Variants in DST observed in about 807,000 individuals in gnomAD.
DST encodes the protein bullous pemphigoid antigen.
In DST, 253 loss-of-function variants were observed where a neutral mutation model predicts 875.2. The observed-to-expected ratio is 0.29, with a 90% CI of 0.26 to 0.32. The LOEUF is 0.32. DST is among the 10% of genes least tolerant of loss of function. The pLI, the probability that DST is intolerant of heterozygous loss-of-function variation, is 1.00. For missense variants in DST, 8,287 were observed against 9,111.6 expected, an observed-to-expected ratio of 0.91 and a Z score of 3.68; for synonymous variants, 3,124 against 3,197.1, an observed-to-expected ratio of 0.98 and a Z score of 0.77.
chr6:56,781,156 C>T (rs1418321401), intron 4 of DST, among the ~76,000 whole-genome samples: 4 of 152,124 alleles, frequency 2.6e-5, no homozygotes, highest in Non-Finnish European at 5.9e-5. Context: ...AGTCAGGTAG[C>T]GTGATGCCTC....
chr6:56,841,335 T>C (rs565099082), intron 4 of DST, among the ~76,000 whole-genome samples: 4 of 152,310 alleles, frequency 2.6e-5, no homozygotes, highest in Admixed American at 6.5e-5. Flanking sequence ...CAAGTACAAA[T>C]TGATGAACTA....
chr6:56,788,517 C>T (rs914265038), intron 4 of DST, among the ~76,000 whole-genome samples: 1 of 152,056 alleles, frequency 6.6e-6, no homozygotes, highest in Non-Finnish European at 1.5e-5. Context: ...GTACTCTGAA[C>T]ATCAAAAGCT....
chr6:56,516,366 AT>A (rs1417905646), intron 71 of DST, among the ~76,000 whole-genome samples: 2 of 152,162 alleles, frequency 1.3e-5, no homozygotes, highest in African/African-American at 4.8e-5. Flanking sequence ...TAACAAAGAA[AT>A]TATTTCATAA....
At chr6:56,533,048 G>T (rs562144870) in intron 63 of DST, among the ~76,000 whole-genome samples, 136 of 152,282 alleles carry the variant, frequency 8.9e-4, no homozygotes, top group Non-Finnish European at 1.7e-3. Flanking sequence ...TTACTAGGTG[G>T]AACTGGCTCC....
chr6:56,794,500 T>C (rs545359205), intron 4 of DST, among the ~76,000 whole-genome samples: 25 of 152,270 alleles, frequency 1.6e-4, no homozygotes, highest in African/African-American at 5.3e-4. Context: ...AGGTGACCAC[T>C]AAGCCAGCAG....
rs1811103102 is a variant in DST at position 56,932,971 on chromosome 6, TTGGTTCTCTATAGAAAGTA to T, written c.216+20795_216+20813del. Among the ~76,000 whole-genome samples, 3 of 151,704 alleles carry T rather than the reference TTGGTTCTCTATAGAAAGTA, an allele frequency of 2.0e-5. No homozygotes were observed. The South Asian group carries it at 6.3e-4, about 32-fold the overall frequency. ...CCAGGAAGTTAAAATAATACAATGT[TTGGTTCTCTATAGAAAGTA>T]AAGATAAAATCTTAACATATGTTCC... On this transcript the variant is annotated intron_variant, in intron 2 of 103. Coordinates refer to ENST00000680361, the MANE Select transcript of DST (RefSeq NM_001374736.1).
chr6:56,620,292 T>C, intron 36 of DST: 1 of 1,614,172 alleles, frequency 6.2e-7, no homozygotes. Context: ...GTTCGTCTGG[T>C]AAAGGTGTTT....
intron 75 of DST, 75 bp from the exon 76 acceptor site, chr6:56,506,864 C>T (rs754119355): frequency 8.7e-5 from 121 of 1,391,844 alleles, no homozygotes; most frequent in Non-Finnish European, 1.1e-4. Flanking sequence ...ACAACAATAT[C>T]AATGGTAGTT....
chr6:56,907,626 G>A (rs1284944344), intron 2 of DST, among the ~76,000 whole-genome samples: 4 of 152,242 alleles, frequency 2.6e-5, no homozygotes, highest in Middle Eastern at 3.4e-3. Flanking sequence ...GAGATTATAA[G>A]GCAGTAATGC....
chr6:56,879,334 G>A (rs1363737390), intron 3 of DST, among the ~76,000 whole-genome samples: 2 of 152,130 alleles, frequency 1.3e-5, no homozygotes, highest in Non-Finnish European at 2.9e-5. Flanking sequence ...AGCCAGGAGC[G>A]GTGGCAGGCG....
chr6:56,470,204 T>C lies in DST; in HGVS notation c.22400A>G (p.Tyr7467Cys). The change falls in exon 96 of 104, where the codon TAT becomes TGT. Residue 7467 changes from tyrosine (Y) to cysteine (C), a missense_variant. Physicochemically the swap from Tyr to Cys is radical, Grantham distance 194 (BLOSUM62 -2). This residue lies in a region of DST where 87 missense variants were observed against 209.7 expected (regional missense o/e 0.41). Transcript: ENST00000680361. ...DRDGDGYIDY[Y>C]EFVAALHPNK... ...TGGGTGAAGGGCTGCTACAAATTCA[T>C]AGTAGTCAATATATCCATCGCCATC... 1 of 1,612,262 alleles carries C rather than the reference T, an allele frequency of 6.2e-7. No homozygotes were observed. Among genetic ancestry groups the C allele is most frequent in the African/African-American group, 1.3e-5 (1 of 75,012 alleles).
rs768357702 is a variant in DST, at chr6:56,606,845, G to T, written c.7783C>A (p.Leu2595Met). The T allele has an allele frequency of 2.5e-6, 4 of 1,613,158 alleles. No homozygotes were observed. Among genetic ancestry groups the T allele is most frequent in the Non-Finnish European group, 3.4e-6 (4 of 1,179,482 alleles). ...ISASDYETSLLNDQQNNTGTD... is the reference protein window; with the variant it reads ...ISASDYETSLMNDQQNNTGTD... ...CCTGTGTTATTCTGCTGATCATTCA[G>T]CAGTGACGTTTCATAGTCACTAGCA... Residue 2595 changes from leucine (L) to methionine (M), a missense_variant, in exon 40 of 104, where the codon CTG becomes ATG. By Grantham distance (15) the Leu-to-Met change is conservative. This residue lies in a region of DST where 3,138 missense variants were observed against 3,116.6 expected (regional missense o/e 1.01). Coordinates refer to ENST00000680361, the MANE Select transcript of DST (RefSeq NM_001374736.1).
chr6:56,874,841 A>G (rs1384391156), intron 3 of DST, among the ~76,000 whole-genome samples: 1 of 152,248 alleles, frequency 6.6e-6, no homozygotes, highest in African/African-American at 2.4e-5. Context: ...AGACTACTGG[A>G]TCCCTTTCTC....
At chr6:56,779,068 T>A (rs1322036774) in intron 4 of DST, among the ~76,000 whole-genome samples, 1 of 152,120 alleles carries the variant, frequency 6.6e-6, no homozygotes, top group African/African-American at 2.4e-5. Flanking sequence ...TTTTTAATGA[T>A]CACCATTCTA....
intron 4 of DST, among the ~76,000 whole-genome samples, chr6:56,818,251 A>G (rs2099768951): frequency 6.6e-6 from 1 of 152,162 alleles, no homozygotes; most frequent in South Asian, 2.1e-4. Context: ...TTCTAGGGAA[A>G]AATGCCAATT....
intron 53 of DST, among the ~76,000 whole-genome samples, chr6:56,570,373 T>C (rs1367020838): frequency 6.6e-6 from 1 of 152,208 alleles, no homozygotes; most frequent in East Asian, 1.9e-4. Flanking sequence ...GAGCCTGAGC[T>C]TGTTTTCCTG....
chr6:56,935,540 T>C (rs746010), intron 2 of DST, among the ~76,000 whole-genome samples: 49,193 of 152,202 alleles, frequency 0.32, 9,351 homozygotes, highest in African/African-American at 0.53. Flanking sequence ...AAATATGAAG[T>C]GATACATATT....
Position 56,605,644 on chromosome 6 carries a change from T to C in DST, c.8984A>G (p.Asp2995Gly). The C allele has an allele frequency of 6.2e-7, 1 of 1,613,008 alleles. No individual in the cohort carries two copies. The highest frequency in any genetic ancestry group is 8.5e-7 in the Non-Finnish European group (1 of 1,179,342). Residue 2995 changes from aspartate to glycine, a missense_variant, in exon 40 of 104, where the codon GAT becomes GGT. By Grantham distance (94) the Asp-to-Gly change is moderately conservative. Coordinates refer to ENST00000680361, the MANE Select transcript of DST (RefSeq NM_001374736.1). ...ATCAGGCTCAGTACAAATGATGTGA[T>C]CAAGAGATGAGTCAACTTTTGGTGT... ...NMTPKVDSSLDHIICTEPDLI... is the reference protein window; with the variant it reads ...NMTPKVDSSLGHIICTEPDLI...
chr6:56,557,663 G>T, intron 58 of DST, 145 bp from the exon 59 acceptor site: 1 of 695,770 alleles, frequency 1.4e-6, no homozygotes, highest in Non-Finnish European at 2.3e-6. Flanking sequence ...TTACTTAAAG[G>T]ACTAACCTAC....
Sources: allele counts gnomAD v4.1 joint callset (sites outside exome capture counted in the v4.1 genomes callset), GRCh38; gene constraint gnomAD v4.1.1; regional missense constraint gnomAD v4.1.1; transcripts MANE v1.5; gene names NCBI Gene and HGNC (gene_info 2026-07-23, HGNC 2026-07-21).